Variants in LANCL1 observed in about 807,000 individuals in gnomAD.
LANCL1 encodes glutathione S-transferase LANCL1.
Under a neutral mutation model 50.6 loss-of-function variants are expected in LANCL1, and 50 were observed. That is an observed-to-expected ratio of 0.99 (90% confidence interval 0.79 to 1.25). The LOEUF is 1.25. Ranked by LOEUF, LANCL1 falls within the 50% of genes most tolerant of loss-of-function variation. LANCL1 has a pLI of 0.00. For missense variants in LANCL1, 532 were observed against 480.7 expected (o/e 1.11, Z -1.00); for synonymous variants, 188 against 178.6 (o/e 1.05, Z -0.42).
chr2:210,452,770 T>G (rs1230117614), intron 4 of LANCL1, among the ~76,000 whole-genome samples: 1 of 152,148 alleles, frequency 6.6e-6, no homozygotes, highest in Non-Finnish European at 1.5e-5. Context: ...ACTTAAAAAT[T>G]ATGCTTTTGA....
chr2:210,451,064 G>C (rs1179979794), intron 4 of LANCL1, among the ~76,000 whole-genome samples: 5 of 152,188 alleles, frequency 3.3e-5, no homozygotes, highest in Admixed American at 2.0e-4. Flanking sequence ...CAATAGCAAA[G>C]ACATGGAACC....
chr2:210,461,133 A>T (rs186209542), intron 3 of LANCL1, among the ~76,000 whole-genome samples: 1 of 151,424 alleles, frequency 6.6e-6, no homozygotes, highest in African/African-American at 2.4e-5. Flanking sequence ...TTTCCTTCCT[A>T]CTTTTTTCTG....
At chr2:210,477,371 A>T (rs2105935726), upstream of LANCL1, 3 of 327,384 alleles carry the variant, frequency 9.2e-6, no homozygotes, top group Non-Finnish European at 9.2e-6. Flanking sequence ...ACAGCAGGAG[A>T]TCCACAACAT....
intron 4 of LANCL1, among the ~76,000 whole-genome samples, chr2:210,445,296 A>T (rs1252762274): frequency 6.6e-6 from 1 of 152,234 alleles, no homozygotes; most frequent in East Asian, 1.9e-4. Context: ...TGCTGATGTT[A>T]GGACATACAT....
intron 3 of LANCL1, among the ~76,000 whole-genome samples, chr2:210,463,501 C>G (rs917106381): frequency 1.3e-5 from 2 of 152,258 alleles, no homozygotes; most frequent in Non-Finnish European, 2.9e-5. Context: ...ATGTTAACTG[C>G]AGTAACATTT....
intron 4 of LANCL1, among the ~76,000 whole-genome samples, chr2:210,451,822 T>C (rs1693518494): frequency 2.0e-5 from 3 of 152,322 alleles, no homozygotes; most frequent in Admixed American, 1.3e-4. Flanking sequence ...AAATGTGGTA[T>C]ATACATATAA....
chr2:210,474,948 C>T (rs1454761776), intron 2 of LANCL1, among the ~76,000 whole-genome samples: 2 of 152,110 alleles, frequency 1.3e-5, no homozygotes, highest in African/African-American at 4.8e-5. Context: ...AAGCAGAATG[C>T]AGGCCCAAAT....
At chr2:210,447,439 T>C (rs968013575) in intron 4 of LANCL1, among the ~76,000 whole-genome samples, 3 of 152,110 alleles carry the variant, frequency 2.0e-5, no homozygotes. Flanking sequence ...ATGAAGAAAC[T>C]GCATCAACTA....
At chr2:210,461,315 A>C (rs1006557897) in intron 3 of LANCL1, among the ~76,000 whole-genome samples, 1 of 151,992 alleles carries the variant, frequency 6.6e-6, no homozygotes, top group Non-Finnish European at 1.5e-5. Context: ...GCTGGGTGGG[A>C]TAGGTGCATC....
rs377683665 is a variant in LANCL1 at position 210,438,168 on chromosome 2, CTT to C, written c.691-298_691-297del. ...TTTTTTTTTGAGATGGAGTTTCACT[CTT>C]GTCACCCAGGCTGAAGTGCAATGGT... On this transcript the variant is annotated intron_variant, in intron 6 of 9. Coordinates refer to ENST00000450366, the MANE Select transcript of LANCL1 (RefSeq NM_006055.3). 6.9e-5 allele frequency among the ~76,000 whole-genome samples: 9 copies of C among 131,100 alleles called. No homozygotes were observed. In the South Asian group the frequency reaches 1.7e-3, roughly 25 times the overall value. The allele number at this position is 131,100 out of a possible 152,430, so 86.0% of individuals were successfully genotyped here. A position where few individuals can be genotyped will look rare whatever the true frequency, so the allele number is the denominator to read the frequency against.
chr2:210,463,640 T>C (rs555262080), intron 3 of LANCL1, among the ~76,000 whole-genome samples: 2 of 152,358 alleles, frequency 1.3e-5, no homozygotes, highest in African/African-American at 4.8e-5. Context: ...TATTCTTTTT[T>C]TGAACATTAT....
upstream of LANCL1, chr2:210,477,475 T>C (rs1694422060): frequency 1.0e-5 from 13 of 1,248,482 alleles, no homozygotes; most frequent in South Asian, 3.4e-5. Flanking sequence ...CCCATTCTAT[T>C]GCTCAGAGAA....
intron 6 of LANCL1, among the ~76,000 whole-genome samples, chr2:210,438,597 A>G (rs534451158): frequency 3.9e-5 from 6 of 152,222 alleles, no homozygotes; most frequent in African/African-American, 1.4e-4. Flanking sequence ...CAAACCAAGC[A>G]TGACTTTCGT....
intron 4 of LANCL1, among the ~76,000 whole-genome samples, chr2:210,454,217 CAT>C (rs1475830611): frequency 1.8e-4 from 21 of 114,324 alleles, no homozygotes; most frequent in Admixed American, 2.9e-4. Flanking sequence ...GATATGCATA[CAT>C]ACACACACAC....
At position 210,432,627 on chromosome 2, in the gene LANCL1, T is replaced by G. The variant is rs965850926; in HGVS notation, c.*1860A>C. ...AAACTGTTATTTTTCCCTTGCTTAGTAACGCAGCTAAAAGCATAGGCACAG... is the reference window on the plus strand; with the variant it reads ...AAACTGTTATTTTTCCCTTGCTTAGGAACGCAGCTAAAAGCATAGGCACAG... On this transcript the variant is annotated 3_prime_UTR_variant, in exon 10 of 10. Transcript: ENST00000450366. 1.3e-5 allele frequency: 2 copies of G among 152,230 alleles called. No individual in the cohort carries two copies. Among genetic ancestry groups the G allele is most frequent in the Non-Finnish European group, 2.9e-5 (2 of 68,048 alleles). The allele number at this position is 152,230 out of a possible 1,614,324, so 9.4% of individuals were successfully genotyped here. A position where few individuals can be genotyped will look rare whatever the true frequency, so the allele number is the denominator to read the frequency against.
At chr2:210,476,502 C>CCTCCAG (rs1694383228) in intron 1 of LANCL1, 90 bp from the exon 2 acceptor site, 1 of 1,451,470 alleles carries the variant, frequency 6.9e-7, no homozygotes, top group Non-Finnish European at 9.2e-7. Flanking sequence ...TATCCCCCTT[C>CCTCCAG]CTCCAGCTCC....
At chr2:210,444,024 T>C (rs564342495) in intron 4 of LANCL1, among the ~76,000 whole-genome samples, 1 of 152,258 alleles carries the variant, frequency 6.6e-6, no homozygotes, top group Non-Finnish European at 1.5e-5. Context: ...GGAGACTGTA[T>C]GTATGTATGT....
rs1191163196 is a variant in LANCL1 at position 210,434,353 on chromosome 2, AT to A, written c.*133del. On this transcript the variant is annotated 3_prime_UTR_variant, in exon 10 of 10. Coordinates refer to ENST00000450366, the MANE Select transcript of LANCL1 (RefSeq NM_006055.3). Reference sequence around the variant, plus strand: ...TGGAAGGGAACTGAATGAAAGATAAATTCTGAAAAAAGCTAACAAAATCAAG... The same window carrying A: ...TGGAAGGGAACTGAATGAAAGATAAATCTGAAAAAAGCTAACAAAATCAAG... 4.7e-6 allele frequency: 3 copies of A among 632,148 alleles called. No individual in the cohort carries two copies. The highest frequency in any genetic ancestry group is 8.3e-6 in the Non-Finnish European group (3 of 361,982). The allele number at this position is 632,148 out of a possible 1,614,324, so 39.2% of individuals were successfully genotyped here.
chr2:210,453,751 C>G (rs1693578203), intron 4 of LANCL1, among the ~76,000 whole-genome samples: 1 of 152,098 alleles, frequency 6.6e-6, no homozygotes, highest in African/African-American at 2.4e-5. Context: ...AAGGTAGTCT[C>G]TGTGTTTCAA....
Sources: gnomAD v4.1 joint callset for allele counts (sites outside exome capture counted in the v4.1 genomes callset) on GRCh38, gnomAD v4.1.1 for gene constraint, MANE v1.5 for transcripts, NCBI Gene and HGNC (gene_info 2026-07-23, HGNC 2026-07-21) for gene names.